The following ZBTB4 variants were observed in gnomAD, a reference collection of about 807,000 sequenced individuals.
ZBTB4 encodes zinc finger and BTB domain-containing protein 4.
ZBTB4 carries 14 observed loss-of-function variants against 59.8 expected under a neutral mutation model. The ratio of observed to expected loss-of-function variants is 0.23; its 90% CI spans 0.15 to 0.37. The LOEUF (loss-of-function observed/expected upper bound fraction) is 0.37, where lower values mean the gene tolerates loss of function less well. Among genes scored for constraint, ZBTB4 ranks in the 10% least tolerant of loss-of-function variants. The pLI is 1.00. For synonymous variants in ZBTB4, 587 were observed against 575.2 expected (o/e 1.02, Z -0.29); for missense variants, 1,198 against 1,380.8 (o/e 0.87, Z 2.10).
upstream of ZBTB4, chr17:7,483,439 C>T (rs1597786342): frequency 1.2e-5 from 3 of 257,890 alleles, no homozygotes; most frequent in East Asian, 2.1e-4. Flanking sequence ...CGTGCTTGTG[C>T]CCCCCCCTTG....
chr17:7,464,487 G>T (rs1452445642), intron 3 of ZBTB4, among the ~76,000 whole-genome samples: 3 of 148,794 alleles, frequency 2.0e-5, no homozygotes, highest in Non-Finnish European at 4.4e-5. Flanking sequence ...GAGGGAGGCA[G>T]ACCGGTGAGT....
intron 1 of ZBTB4, among the ~76,000 whole-genome samples, chr17:7,468,884 A>G (rs1350786908): frequency 2.0e-5 from 3 of 152,210 alleles, no homozygotes; most frequent in Non-Finnish European, 4.4e-5. Flanking sequence ...AAGATGGTAA[A>G]CAGGGATGAT....
At chr17:7,480,942 T>G (rs979351885), upstream of ZBTB4, among the ~76,000 whole-genome samples, 1 of 151,756 alleles carries the variant, frequency 6.6e-6, no homozygotes, top group Non-Finnish European at 1.5e-5. Flanking sequence ...GGTGGATCAC[T>G]TGAGGTAAGG....
rs750332067 is a variant in ZBTB4, at chr17:7,466,284, G to A, written c.518C>T (p.Ser173Phe). 2.5e-6 allele frequency: 4 copies of A among 1,613,338 alleles called. No individual in the cohort carries two copies. The Admixed American group carries it at 6.7e-5, about 27-fold the overall frequency. Reference protein sequence around the residue: ...IGALGRRLGISRLQGLGEGGD... With the variant: ...IGALGRRLGIFRLQGLGEGGD... ...TCCCTCCCCCAGGCCCTGAAGGCGGGAGATGCCCAGACGGCGCCCCAAAGC... is the reference window on the plus strand; with the variant it reads ...TCCCTCCCCCAGGCCCTGAAGGCGGAAGATGCCCAGACGGCGCCCCAAAGC... The change falls in exon 3 of 4, where the codon TCC becomes TTC. Residue 173 changes from serine to phenylalanine, a missense_variant. Physicochemically the swap from Ser to Phe is radical, Grantham distance 155. Coordinates refer to ENST00000380599, the MANE Select transcript of ZBTB4 (RefSeq NM_001128833.2). The surrounding 1 kb of genome is among the most constrained non-coding windows in gnomAD (Gnocchi z 9.1).
At position 7,462,517 on chromosome 17, in the gene ZBTB4, A is replaced by C; in HGVS notation, c.2465T>G (p.Met822Arg). ...CTCACCGCTGGATGAGGAGACTTGC[A>C]TCTCTTGGGGGGCTTCCTCCTTGAC... ...GDVKEEAPQE[M>R]QVSSSSGEAG... The change falls in exon 4 of 4, where the codon ATG becomes AGG. Residue 822 changes from methionine (M) to arginine (R), a missense_variant. By Grantham distance (91) the Met-to-Arg change is moderately conservative (BLOSUM62 -1). This residue lies in a region of ZBTB4 where 4 missense variants were observed against 16.7 expected (regional missense o/e 0.24). Coordinates refer to ENST00000380599, the MANE Select transcript of ZBTB4 (RefSeq NM_001128833.2). The surrounding 1 kb of genome is among the most constrained non-coding windows in gnomAD (Gnocchi z 7.5). 6.2e-6 allele frequency: 10 copies of C among 1,613,834 alleles called. No individual in the cohort carries two copies. The highest frequency in any genetic ancestry group is 7.6e-6 in the Non-Finnish European group (9 of 1,179,964).
At chr17:7,470,761 T>G (rs2070187663) in intron 1 of ZBTB4, among the ~76,000 whole-genome samples, 1 of 152,154 alleles carries the variant, frequency 6.6e-6, no homozygotes, top group Non-Finnish European at 1.5e-5. Context: ...CAAGGACGTA[T>G]GACCAGCTAG....
In ZBTB4 at chr17:7,462,826, C is replaced by T. The variant is rs140585911; in HGVS notation, c.2156G>A (p.Arg719His). ...TCGGTGCCTCCGCTCTGTGCGGGCA[C>T]GTCCCGCTGGGCTCTCGGCCGCTGG... The part of the protein sequence containing the change: ...ETPAAESPAG[R>H]ARTERRHRCG... Residue 719 changes from arginine (R) to histidine (H), a missense_variant, in exon 4 of 4, where the codon CGT (arginine) becomes CAT (histidine). Transcript: ENST00000380599. This position sits in a 1 kb window ranked among gnomAD's most constrained non-coding sequence, Gnocchi z 7.5. 1.2e-5 allele frequency: 19 copies of T among 1,603,048 alleles called. No individual in the cohort carries two copies. The highest frequency in any genetic ancestry group is 1.6e-4 in the Middle Eastern group (1 of 6,062).
At position 7,462,009 on chromosome 17, in the gene ZBTB4, T is replaced by C; in HGVS notation, c.2973A>G (p.Pro991=). 1 of 1,602,256 alleles carries C rather than the reference T, an allele frequency of 6.2e-7. No individual in the cohort carries two copies. Among genetic ancestry groups the C allele is most frequent in the Non-Finnish European group, 8.5e-7 (1 of 1,173,760 alleles). The change falls in exon 4 of 4, where the codon CCA becomes CCG. Residue 991 remains proline, a synonymous_variant. Transcript: ENST00000380599. The surrounding 1 kb of genome is among the most constrained non-coding windows in gnomAD (Gnocchi z 7.5). ...CCCCTTCTCCCTTAGGGGGAATTGG[T>C]GGAGGAAGAGTTGGGGGAGGTGGTG... ...PPTPPPPTLP[P]PIPPKGEGER... is the part of the protein sequence containing the mutation.
chr17:7,463,821 G>A lies in ZBTB4; in HGVS notation c.1161C>T (p.Phe387=), dbSNP rs1163400207. The change falls in exon 4 of 4, where the codon TTC becomes TTT. Residue 387 remains phenylalanine, a synonymous_variant. Coordinates refer to ENST00000380599, the MANE Select transcript of ZBTB4 (RefSeq NM_001128833.2). ...CAAGGAGGCCCGGGCTAATGCCGTG[G>A]AAGGCTCGCTGGTGGGTCTTCAGGT... ...YYNLKTHQRA[F]HGISPGLLAS... 2.5e-6 allele frequency: 4 copies of A among 1,614,046 alleles called. No homozygotes were observed. The highest frequency in any genetic ancestry group is 3.4e-6 in the Non-Finnish European group (4 of 1,180,028).
upstream of ZBTB4, chr17:7,481,583 T>C: frequency 8.1e-7 from 1 of 1,238,572 alleles, no homozygotes; most frequent in Non-Finnish European, 1.1e-6. Flanking sequence ...CCATTTCCCC[T>C]CCTTTCCTAA....
chr17:7,481,335 C>A, upstream of ZBTB4: 7 of 1,091,080 alleles, frequency 6.4e-6, no homozygotes, highest in Non-Finnish European at 8.3e-6. Context: ...TCGTCGCAAA[C>A]AAAAAAAGAA....
chr17:7,462,943 C>G lies in ZBTB4; in HGVS notation c.2039G>C (p.Gly680Ala). Residue 680 changes from glycine (G) to alanine (A), a missense_variant, in exon 4 of 4, where the codon GGA (glycine) becomes GCA (alanine). Physicochemically the swap from Gly to Ala is moderately conservative, Grantham distance 60. This residue lies in a region of ZBTB4 where 550 missense variants were observed against 541.8 expected (regional missense o/e 1.02). Coordinates refer to ENST00000380599, the MANE Select transcript of ZBTB4 (RefSeq NM_001128833.2). The surrounding 1 kb of genome is among the most constrained non-coding windows in gnomAD (Gnocchi z 7.5). ...YKPKRKAGAAGGASVGGSGLP... is the reference protein window; with the variant it reads ...YKPKRKAGAAAGASVGGSGLP... ...CCCACTGCCCCCCACACTGGCACCT[C>G]CAGCAGCTCCAGCCTTGCGCTTAGG... 5 of 1,608,442 alleles carry G rather than the reference C, an allele frequency of 3.1e-6. No individual in the cohort carries two copies. The highest frequency in any genetic ancestry group is 4.2e-6 in the Non-Finnish European group (5 of 1,178,322).
At chr17:7,472,735 A>T (rs1330005963) in intron 1 of ZBTB4, among the ~76,000 whole-genome samples, 2 of 125,654 alleles carry the variant, frequency 1.6e-5, no homozygotes, top group African/African-American at 3.1e-5. Context: ...TCAACCTCCC[A>T]GGCTCTCATG....
chr17:7,478,535 C>A (rs1394985164), intron 1 of ZBTB4, among the ~76,000 whole-genome samples: 1 of 152,168 alleles, frequency 6.6e-6, no homozygotes, highest in African/African-American at 2.4e-5. Context: ...AGGCCCACAA[C>A]CGCCCCCTCC....
intron 3 of ZBTB4, 128 bp downstream of exon 3, chr17:7,465,583 G>A: frequency 2.8e-6 from 4 of 1,420,748 alleles, no homozygotes; most frequent in Non-Finnish European, 3.7e-6. Flanking sequence ...CACAGTGCTG[G>A]GATTACTGCA....
Position 7,465,923 on chromosome 17 carries a change from T to A in ZBTB4, c.879A>T (p.Arg293=). 1 of 1,610,106 alleles carries A rather than the reference T, an allele frequency of 6.2e-7. No individual in the cohort carries two copies. Among genetic ancestry groups the A allele is most frequent in the Non-Finnish European group, 8.5e-7 (1 of 1,177,390 alleles). Residue 293 remains arginine (R), a synonymous_variant, in exon 3 of 4, where the codon CGA becomes CGT. Transcript: ENST00000380599. ...ASALPPPVGF[R]GGPEHVVKVV... ...CCTTCACCACGTGCTCGGGGCCCCC[T>A]CGGAAGCCCACTGGTGGAGGCAGGG...
intron 1 of ZBTB4, among the ~76,000 whole-genome samples, 194 bp downstream of exon 1, chr17:7,479,262 C>A (rs2070311618): frequency 6.6e-6 from 1 of 152,072 alleles, no homozygotes; most frequent in Admixed American, 6.5e-5. Context: ...CCCTTAGTCG[C>A]CCCCCAGCGT....
rs1479163479 is a variant in ZBTB4, at chr17:7,463,031, C to G, written c.1951G>C (p.Asp651His). The G allele has an allele frequency of 1.9e-6, 3 of 1,592,062 alleles. No individual in the cohort carries two copies. Among genetic ancestry groups the G allele is most frequent in the Non-Finnish European group, 2.6e-6 (3 of 1,167,168 alleles). The change falls in exon 4 of 4, where the codon GAT becomes CAT. Residue 651 changes from aspartate (D) to histidine (H), a missense_variant. This residue lies in a region of ZBTB4 where 550 missense variants were observed against 541.8 expected (regional missense o/e 1.02). Coordinates refer to ENST00000380599, the MANE Select transcript of ZBTB4 (RefSeq NM_001128833.2). ...CCACCAGCCTTTGATTCCTCCTCATCCTCCTCCTCCTCCTCTTCGTCCTCC... is the reference window on the plus strand; with the variant it reads ...CCACCAGCCTTTGATTCCTCCTCATGCTCCTCCTCCTCCTCTTCGTCCTCC... Reference protein sequence around the residue: ...EEEDEEEEEEDEEESKAGGED... With the variant: ...EEEDEEEEEEHEEESKAGGED...
rs557137763 is a variant in ZBTB4, at chr17:7,465,073, G to A, written c.1091+638C>T. Among the ~76,000 whole-genome samples, 254 of 147,086 alleles carry A rather than the reference G, an allele frequency of 1.7e-3. 2 individuals are homozygous for A. The East Asian group carries it at 0.037, about 21-fold the overall frequency. ...CGGGAGGCTGAGGCAGGAGAATGGCGTGAACCTGGGAAGTGGAGCTTGCAG... is the reference window on the plus strand; with the variant it reads ...CGGGAGGCTGAGGCAGGAGAATGGCATGAACCTGGGAAGTGGAGCTTGCAG... On this transcript the variant is annotated intron_variant, in intron 3 of 3. Transcript: ENST00000380599.
Sources: gnomAD v4.1 joint callset for allele counts (sites outside exome capture counted in the v4.1 genomes callset) on GRCh38, gnomAD v4.1.1 for gene constraint, gnomAD v4.1.1 regional missense constraint, Gnocchi (gnomAD v3.1) non-coding constraint, MANE v1.5 for transcripts, NCBI Gene and HGNC (gene_info 2026-07-23, HGNC 2026-07-21) for gene names.